RAP1GAP2: variants seen among roughly 807,000 people sequenced by gnomAD.
RAP1GAP2 encodes rap1 GTPase-activating protein 2.
RAP1GAP2 carries 27 observed loss-of-function variants against 95.0 expected under a neutral mutation model. That is an observed-to-expected ratio of 0.28 (90% CI 0.21 to 0.39). The LOEUF (loss-of-function observed/expected upper bound fraction) is 0.39, where lower values mean the gene tolerates loss of function less well. Ranked by LOEUF, RAP1GAP2 falls within the 10% of genes least tolerant of loss-of-function variation. RAP1GAP2 has a pLI of 1.00. For synonymous variants in RAP1GAP2, 373 were observed against 380.9 expected (o/e 0.98, Z 0.24); for missense variants, 771 against 970.0 (o/e 0.79, Z 2.72).
chr17:2,811,608 C>T (rs1039011562), intron 2 of RAP1GAP2, among the ~76,000 whole-genome samples: 4 of 152,154 alleles, frequency 2.6e-5, no homozygotes, highest in African/African-American at 4.8e-5. Context: ...GACGGAGTCT[C>T]GCTCTGTCAC....
At chr17:2,837,757 C>A (rs1028165794) in intron 2 of RAP1GAP2, among the ~76,000 whole-genome samples, 4 of 151,780 alleles carry the variant, frequency 2.6e-5, no homozygotes, top group African/African-American at 9.7e-5. Context: ...CAGGTGCCTG[C>A]CACCATGTCC....
upstream of RAP1GAP2, among the ~76,000 whole-genome samples, chr17:2,773,074 T>TCTCGAACTC (rs2068429579): frequency 6.6e-6 from 1 of 151,946 alleles, no homozygotes; most frequent in South Asian, 2.1e-4. Flanking sequence ...GCTAGGCTGG[T>TCTCGAACTC]CTCGAACTCC....
intron 2 of RAP1GAP2, among the ~76,000 whole-genome samples, chr17:2,832,898 G>T (rs2070953157): frequency 6.6e-6 from 1 of 151,530 alleles, no homozygotes; most frequent in Admixed American, 6.6e-5. Context: ...AGACTTGCTG[G>T]AACTTGGGAG....
Position 2,871,961 on chromosome 17 carries a change from C to T in RAP1GAP2, c.81-33323C>T, listed in dbSNP as rs535959400. On this transcript the variant is annotated intron_variant, in intron 2 of 24. Coordinates refer to ENST00000254695, the MANE Select transcript of RAP1GAP2 (RefSeq NM_015085.5). This position sits in a 1 kb window ranked among gnomAD's most constrained non-coding sequence, Gnocchi z 5.0. ...TGATGAGGCCAGGCGTGGTGGCTCA[C>T]GCCTGGAATCTCAGCGCTTTTGGAG... Among the ~76,000 whole-genome samples the T allele has an allele frequency of 1.5e-4, 23 of 152,006 alleles. No individual in the cohort carries two copies. The highest frequency in any genetic ancestry group is 2.1e-4 in the Non-Finnish European group (14 of 67,972).
At position 3,008,048 on chromosome 17, in the gene RAP1GAP2, A is replaced by G. The variant is rs773008500; in HGVS notation, c.1397A>G (p.Asp466Gly). The change falls in exon 17 of 25, where the codon GAT becomes GGT. Residue 466 changes from aspartate (D) to glycine (G), a missense_variant. Coordinates refer to ENST00000254695, the MANE Select transcript of RAP1GAP2 (RefSeq NM_015085.5). The surrounding 1 kb of genome is among the most constrained non-coding windows in gnomAD (Gnocchi z 4.2). ...GCTGCCCTCCTGGACAACCTTCACG[A>G]TGAGCTCCACGCCCACACACAGGCC... ...TRAALLDNLHDELHAHTQAML... is the reference protein window; with the variant it reads ...TRAALLDNLHGELHAHTQAML... 12 of 1,613,742 alleles carry G rather than the reference A, an allele frequency of 7.4e-6. No individual in the cohort carries two copies. Among genetic ancestry groups the G allele is most frequent in the East Asian group, 2.2e-5 (1 of 44,880 alleles).
chr17:2,762,074 C>T (rs1017501326), intron 1 of RAP1GAP2, among the ~76,000 whole-genome samples: 6 of 149,650 alleles, frequency 4.0e-5, no homozygotes, highest in East Asian at 2.0e-4. Context: ...CTGCAAGCTC[C>T]GCCTCCCAGG....
Position 3,036,664 on chromosome 17 carries a change from G to C in RAP1GAP2, c.*3303G>C, listed in dbSNP as rs910346069. 1.3e-5 allele frequency: 2 copies of C among 152,248 alleles called. No homozygotes were observed. The highest frequency in any genetic ancestry group is 2.4e-5 in the African/African-American group (1 of 41,428). The allele number at this position is 152,248 out of a possible 1,614,324, so 9.4% of individuals were successfully genotyped here. ...ATGGGGGCTGTGTAATGGGGGCAGA[G>C]GCCAGGGAAAAAGATGCTGTTCACC... On this transcript the variant is annotated 3_prime_UTR_variant, in exon 25 of 25. Transcript: ENST00000254695.
chr17:2,956,335 C>T (rs1019818269), intron 3 of RAP1GAP2, among the ~76,000 whole-genome samples: 1 of 152,188 alleles, frequency 6.6e-6, no homozygotes, highest in Admixed American at 6.5e-5. Flanking sequence ...GCCTCTGACA[C>T]GCTGGCTTTG....
intron 8 of RAP1GAP2, among the ~76,000 whole-genome samples, chr17:2,967,307 G>A (rs961496609): frequency 2.0e-5 from 3 of 152,192 alleles, no homozygotes; most frequent in Non-Finnish European, 1.5e-5. Flanking sequence ...GGAAGCAGAG[G>A]TTGCAGTGAG....
chr17:3,013,282 C>A (rs532814986), intron 17 of RAP1GAP2, among the ~76,000 whole-genome samples: 1 of 152,236 alleles, frequency 6.6e-6, no homozygotes, highest in Admixed American at 6.5e-5. Flanking sequence ...AGCAGGGCCC[C>A]GCCAAGAATC....
intron 8 of RAP1GAP2, among the ~76,000 whole-genome samples, chr17:2,978,913 C>T (rs1028454740): frequency 9.8e-6 from 1 of 101,758 alleles, no homozygotes; most frequent in Non-Finnish European, 2.2e-5. Flanking sequence ...CCAGCCTGGG[C>T]AACAAGAGCG....
At chr17:2,854,511 G>A (rs1215130962) in intron 2 of RAP1GAP2, among the ~76,000 whole-genome samples, 1 of 152,254 alleles carries the variant, frequency 6.6e-6, no homozygotes, top group African/African-American at 2.4e-5. Flanking sequence ...CTGCCTGGCC[G>A]AGATCCGCTT....
At chr17:2,760,516 T>G (rs989271260) in intron 1 of RAP1GAP2, among the ~76,000 whole-genome samples, 1 of 150,496 alleles carries the variant, frequency 6.6e-6, no homozygotes, top group Non-Finnish European at 1.5e-5. Flanking sequence ...AATTTTTGTA[T>G]TTTTAGTAGA....
chr17:2,854,194 C>T (rs2072026054), intron 2 of RAP1GAP2: 1 of 968,032 alleles, frequency 1.0e-6, no homozygotes, highest in Non-Finnish European at 1.2e-6. Flanking sequence ...TGTTTGGTTC[C>T]GTGTTGGTTA....
chr17:2,806,745 ACTCT>A (rs565268608), intron 2 of RAP1GAP2, among the ~76,000 whole-genome samples: 460 of 140,604 alleles, frequency 3.3e-3, no homozygotes, highest in Admixed American at 6.7e-3. Flanking sequence ...ACAGAGTCTC[ACTCT>A]CTCTCAGGCT....
chr17:2,844,089 C>T (rs979067365), intron 2 of RAP1GAP2, among the ~76,000 whole-genome samples: 20 of 152,004 alleles, frequency 1.3e-4, no homozygotes, highest in African/African-American at 4.1e-4. Context: ...GGCTCGATCT[C>T]GGCTCACTGC....
chr17:2,914,692 G>A lies in RAP1GAP2; in HGVS notation c.165+9324G>A, dbSNP rs367612259. 1.3e-4 allele frequency among the ~76,000 whole-genome samples: 19 copies of A among 150,028 alleles called. No individual in the cohort carries two copies. In the East Asian group the frequency reaches 3.2e-3, roughly 25 times the overall value. ...TTTTTAGTAGAGACGGGGTTTCACCGTGTTAGCCAGGATGGTCTCAATCTC... is the reference window on the plus strand; with the variant it reads ...TTTTTAGTAGAGACGGGGTTTCACCATGTTAGCCAGGATGGTCTCAATCTC... On this transcript the variant is annotated intron_variant, in intron 3 of 24. Transcript: ENST00000254695.
chr17:2,836,029 C>T (rs1343746590), intron 2 of RAP1GAP2, among the ~76,000 whole-genome samples: 1 of 151,612 alleles, frequency 6.6e-6, no homozygotes, highest in Non-Finnish European at 1.5e-5. Flanking sequence ...GTGCATCTGG[C>T]ACTGGCGGGG....
At chr17:3,022,328 T>C (rs986209626) in intron 19 of RAP1GAP2, among the ~76,000 whole-genome samples, 1 of 152,222 alleles carries the variant, frequency 6.6e-6, no homozygotes, top group Non-Finnish European at 1.5e-5. Context: ...TGTAAAATAG[T>C]GCAACTACTT....
Sources: gnomAD v4.1 joint callset for allele counts (sites outside exome capture counted in the v4.1 genomes callset) on GRCh38, gnomAD v4.1.1 for gene constraint, Gnocchi (gnomAD v3.1) non-coding constraint, MANE v1.5 for transcripts, NCBI Gene and HGNC (gene_info 2026-07-23, HGNC 2026-07-21) for gene names.